FYN: variants seen among roughly 807,000 people sequenced by gnomAD.
FYN encodes FYN proto-oncogene, Src family tyrosine kinase, also known as tyrosine-protein kinase Fyn.
FYN carries 10 observed loss-of-function variants against 70.2 expected under a neutral mutation model. That is an observed-to-expected ratio of 0.14 (90% CI 0.09 to 0.24). FYN has a LOEUF of 0.24. Ranked by LOEUF, FYN falls within the 10% of genes least tolerant of loss-of-function variation. The probability of loss-of-function intolerance (pLI) is 1.00; values close to 1 mark genes in which losing one functional copy is unlikely to be tolerated. For synonymous variants in FYN, 236 were observed against 248.6 expected, an observed-to-expected ratio of 0.95 and a Z score of 0.48; for missense variants, 319 against 673.1, an observed-to-expected ratio of 0.47 and a Z score of 5.82.
At chr6:111,703,900 C>T in intron 7 of FYN, 99 bp downstream of exon 7, 2 of 917,158 alleles carry the variant, frequency 2.2e-6, no homozygotes, top group South Asian at 3.0e-5. Context: ...GGGTATGTGC[C>T]ATTTTAAAAT....
intron 2 of FYN, among the ~76,000 whole-genome samples, chr6:111,789,055 G>A (rs1316127556): frequency 6.6e-6 from 1 of 152,192 alleles, no homozygotes; most frequent in African/African-American, 2.4e-5. Context: ...AGAGGAGGAG[G>A]AGGAGGAGAG....
At chr6:111,806,094 C>T (rs1373349653) in intron 2 of FYN, among the ~76,000 whole-genome samples, 5 of 152,274 alleles carry the variant, frequency 3.3e-5, no homozygotes, top group East Asian at 3.9e-4. Flanking sequence ...ATTCTTCCCA[C>T]GCAGTTCCTA....
intron 2 of FYN, among the ~76,000 whole-genome samples, chr6:111,832,135 C>G (rs975088201): frequency 3.5e-4 from 53 of 152,186 alleles, no homozygotes; most frequent in Admixed American, 3.5e-3. Flanking sequence ...GTTGATATAA[C>G]TTTTTCCCTT....
At chr6:111,838,887 T>C (rs551362872) in intron 2 of FYN, among the ~76,000 whole-genome samples, 1 of 152,348 alleles carries the variant, frequency 6.6e-6, no homozygotes, top group African/African-American at 2.4e-5. Flanking sequence ...GTCTCCAGAC[T>C]CTGGGTGGGT....
intron 1 of FYN, among the ~76,000 whole-genome samples, chr6:111,852,969 A>C (rs1307096780): frequency 6.6e-6 from 1 of 152,220 alleles, no homozygotes; most frequent in Non-Finnish European, 1.5e-5. Context: ...CCAGTTGTGC[A>C]AGAACACAAC....
Position 111,744,361 on chromosome 6 carries a change from G to A in FYN, c.-11-24299C>T, listed in dbSNP as rs181051793. ...CTTAAGTTTCATAACATATATTTCT[G>A]CAGTGGATGGCTGCTCTTGATTCTC... On this transcript the variant is annotated intron_variant, in intron 3 of 13. Coordinates refer to ENST00000354650, the MANE Select transcript of FYN (RefSeq NM_002037.5). Among the ~76,000 whole-genome samples the A allele has an allele frequency of 2.8e-4, 42 of 152,322 alleles. No homozygotes were observed. The East Asian group carries it at 7.5e-3, about 27-fold the overall frequency.
intron 9 of FYN, among the ~76,000 whole-genome samples, chr6:111,697,229 A>G (rs1799612883): frequency 6.6e-6 from 1 of 152,198 alleles, no homozygotes; most frequent in South Asian, 2.1e-4. Context: ...GTCCTCAGTT[A>G]CCTCATCTGT....
At chr6:111,671,466 T>C (rs575437848) in intron 13 of FYN, among the ~76,000 whole-genome samples, 65 of 152,342 alleles carry the variant, frequency 4.3e-4, no homozygotes, top group Admixed American at 1.2e-3. Context: ...AGGAGCTTTC[T>C]TATGTGTCAA....
chr6:111,863,047 A>T (rs911633455), intron 1 of FYN, among the ~76,000 whole-genome samples: 1 of 152,282 alleles, frequency 6.6e-6, no homozygotes, highest in Non-Finnish European at 1.5e-5. Context: ...ACTGAAGGCC[A>T]GGCTAAGGAA....
intron 2 of FYN, among the ~76,000 whole-genome samples, chr6:111,784,490 A>G (rs1328858278): frequency 3.3e-5 from 5 of 152,236 alleles, no homozygotes; most frequent in African/African-American, 1.2e-4. Context: ...TAACCATGGT[A>G]CATTTGCACA....
chr6:111,777,826 C>T (rs1255511812), intron 3 of FYN, among the ~76,000 whole-genome samples: 1 of 152,170 alleles, frequency 6.6e-6, no homozygotes, highest in Non-Finnish European at 1.5e-5. Context: ...TCTAAAGATC[C>T]ATCAACAGCA....
Position 111,667,478 on chromosome 6 carries a change from T to C in FYN, c.1406-5531A>G, listed in dbSNP as rs916568228. Reference sequence around the variant, plus strand: ...TATGTTGCCCAGGCTGATCTTGAACTTCTGGCCTCAAGCGATCCTCCCTGC... The same window carrying C: ...TATGTTGCCCAGGCTGATCTTGAACCTCTGGCCTCAAGCGATCCTCCCTGC... On this transcript the variant is annotated intron_variant, in intron 13 of 13. Coordinates refer to ENST00000354650, the MANE Select transcript of FYN (RefSeq NM_002037.5). Among the ~76,000 whole-genome samples the C allele has an allele frequency of 5.9e-4, 90 of 152,164 alleles. 2 individuals are homozygous for C. The highest frequency in any genetic ancestry group is 1.2e-4 in the Non-Finnish European group (8 of 68,024).
chr6:111,719,463 G>A (rs2269618), intron 4 of FYN, among the ~76,000 whole-genome samples: 5,757 of 152,250 alleles, frequency 0.038, 162 homozygotes, highest in East Asian at 0.13. Flanking sequence ...TCAGGCATCC[G>A]TGTTTTGAAA....
chr6:111,736,388 A>G (rs1159495529), intron 3 of FYN, among the ~76,000 whole-genome samples: 1 of 152,222 alleles, frequency 6.6e-6, no homozygotes, highest in Non-Finnish European at 1.5e-5. Context: ...TAGAACAGTC[A>G]GAGGATGTAA....
chr6:111,832,945 A>G (rs1332568442), intron 2 of FYN, among the ~76,000 whole-genome samples: 6 of 152,236 alleles, frequency 3.9e-5, no homozygotes, highest in African/African-American at 1.4e-4. Flanking sequence ...TGCACTTCTG[A>G]GACTCCAGAG....
chr6:111,714,238 G>A, intron 5 of FYN, 109 bp downstream of exon 5: 1 of 706,934 alleles, frequency 1.4e-6, no homozygotes, highest in East Asian at 2.6e-5. Context: ...AGTGAATTTA[G>A]CAAATGTTCT....
At chr6:111,862,123 G>A (rs145582237) in intron 1 of FYN, among the ~76,000 whole-genome samples, 14 of 152,098 alleles carry the variant, frequency 9.2e-5, no homozygotes, top group African/African-American at 3.4e-4. Flanking sequence ...TTGTTCTCTC[G>A]CCCATCATTT....
At chr6:111,677,244 T>A (rs1798570011) in intron 12 of FYN, among the ~76,000 whole-genome samples, 1 of 152,250 alleles carries the variant, frequency 6.6e-6, no homozygotes, top group South Asian at 2.1e-4. Context: ...AAACAGCAGC[T>A]GCTTTCAACA....
intron 13 of FYN, among the ~76,000 whole-genome samples, chr6:111,671,588 A>G (rs138525208): frequency 2.7e-3 from 415 of 152,286 alleles, no homozygotes; most frequent in African/African-American, 9.2e-3. Flanking sequence ...GAGACATGAG[A>G]CATGACTACA....
Sources: allele counts gnomAD v4.1 joint callset (sites outside exome capture counted in the v4.1 genomes callset), GRCh38; gene constraint gnomAD v4.1.1; transcripts MANE v1.5; gene names NCBI Gene and HGNC (gene_info 2026-07-23, HGNC 2026-07-21).